SPTAN1: variants seen among roughly 807,000 people sequenced by gnomAD.
SPTAN1 encodes the protein spectrin alpha, non-erythrocytic 1, also known as spectrin alpha chain, non-erythrocytic 1.
SPTAN1 carries 61 observed loss-of-function variants against 331.3 expected under a neutral mutation model. The ratio of observed to expected loss-of-function variants is 0.18; its 90% CI spans 0.15 to 0.23. The LOEUF (loss-of-function observed/expected upper bound fraction) is 0.23, where lower values mean the gene tolerates loss of function less well. Among genes scored for constraint, SPTAN1 ranks in the 10% least tolerant of loss-of-function variants. SPTAN1 has a pLI of 1.00. For missense variants in SPTAN1, 2,043 were observed against 3,147.9 expected, an observed-to-expected ratio of 0.65 and a Z score of 8.40; for synonymous variants, 1,153 against 1,173.9, an observed-to-expected ratio of 0.98 and a Z score of 0.36.
chr9:128,566,087 T>A (rs370248959), intron 1 of SPTAN1, among the ~76,000 whole-genome samples: 5 of 152,150 alleles, frequency 3.3e-5, no homozygotes, highest in African/African-American at 9.7e-5. Context: ...GTTTTTGTTT[T>A]GTTTTGTCAC....
At position 128,625,299 on chromosome 9, in the gene SPTAN1, A is replaced by T; in HGVS notation, c.6069+120A>T. 1 of 1,042,452 alleles carries T rather than the reference A, an allele frequency of 9.6e-7. No homozygotes were observed. Among genetic ancestry groups the T allele is most frequent in the African/African-American group, 1.6e-5 (1 of 63,652 alleles). 64.6% of individuals were successfully genotyped at this position (1,042,452 alleles called of 1,614,324 possible). On this transcript the variant is annotated intron_variant, in intron 47 of 56. Transcript: ENST00000372739. This position sits in a 1 kb window ranked among gnomAD's most constrained non-coding sequence, Gnocchi z 4.1. ...GCCCCTGGGGATCAGCAGGAAAAAG[A>T]TCCTGTCCTGGTCCTCAGGGAGCTT... is the stretch of plus-strand genomic sequence containing the variant.
chr9:128,589,492 G>T (rs1447596060), intron 21 of SPTAN1, among the ~76,000 whole-genome samples: 1 of 150,954 alleles, frequency 6.6e-6, no homozygotes, highest in Non-Finnish European at 1.5e-5. Flanking sequence ...GTTTCACCGT[G>T]GTCTCTATCT....
intron 45 of SPTAN1, among the ~76,000 whole-genome samples, chr9:128,622,983 C>T (rs1858121566): frequency 6.6e-6 from 1 of 151,866 alleles, no homozygotes; most frequent in South Asian, 2.1e-4. Context: ...AAACTCCTGA[C>T]CTCATGATCC....
In SPTAN1 at chr9:128,576,668, G is replaced by A. The variant is rs544617296; in HGVS notation, c.652-155G>A. ...ACATAAGAAATAGAAACTCTTTGGA[G>A]TTGTAGTTCACTTTGTATCATGTTG... On this transcript the variant is annotated intron_variant, in intron 5 of 56. Coordinates refer to ENST00000372739, the MANE Select transcript of SPTAN1 (RefSeq NM_001130438.3). Among the ~76,000 whole-genome samples the A allele has an allele frequency of 1.4e-4, 21 of 152,350 alleles. 1 individual carries two copies. The South Asian group carries it at 4.3e-3, about 32-fold the overall frequency.
At chr9:128,607,775 C>T in intron 32 of SPTAN1, 72 bp downstream of exon 32, 6 of 1,611,064 alleles carry the variant, frequency 3.7e-6, no homozygotes, top group Non-Finnish European at 5.1e-6. Context: ...CATTCCCACC[C>T]TTTGTGGTGA....
intron 51 of SPTAN1, 117 bp downstream of exon 51, chr9:128,628,059 C>A: frequency 1.6e-6 from 2 of 1,254,314 alleles, no homozygotes; most frequent in Non-Finnish European, 2.3e-6. Context: ...GGGCGGGCTG[C>A]ACTTCCCCTC....
Position 128,624,490 on chromosome 9 carries a change from G to A in SPTAN1, c.5992+3G>A. On this transcript the variant is annotated splice_donor_region_variant and intron_variant, in intron 46 of 56. Coordinates refer to ENST00000372739, the MANE Select transcript of SPTAN1 (RefSeq NM_001130438.3). The stretch of plus-strand genomic sequence containing the variant: ...GGACGTGGTGGAGTCCTGGATCGGT[G>A]AGCACTGTCAGCAAGGCCCGGAAGA... The A allele has an allele frequency of 6.2e-7, 1 of 1,612,760 alleles. No homozygotes were observed.
Position 128,580,918 on chromosome 9 carries a change from C to T in SPTAN1, c.1324-4C>T. ...TCCCTGACCATGTCTCCTATGCCCC[C>T]AAGCTGACCGTCCTTTCCGAGGAGA... is the stretch of plus-strand genomic sequence containing the variant. On this transcript the variant is annotated splice_polypyrimidine_tract_variant and splice_region_variant and intron_variant, in intron 10 of 56. Coordinates refer to ENST00000372739, the MANE Select transcript of SPTAN1 (RefSeq NM_001130438.3). 2 of 1,612,664 alleles carry T rather than the reference C, an allele frequency of 1.2e-6. No individual in the cohort carries two copies. Among genetic ancestry groups the T allele is most frequent in the Non-Finnish European group, 1.7e-6 (2 of 1,180,018 alleles).
intron 1 of SPTAN1, among the ~76,000 whole-genome samples, chr9:128,564,001 G>T (rs1345409668): frequency 6.6e-6 from 1 of 152,034 alleles, no homozygotes; most frequent in African/African-American, 2.4e-5. Flanking sequence ...GACCGGACAT[G>T]GTGGCTTACA....
rs971082831 is a variant in SPTAN1, at chr9:128,582,487, T to A, written c.1581T>A (p.Asp527Glu). The A allele has an allele frequency of 7.4e-6, 12 of 1,614,098 alleles. No individual in the cohort carries two copies. In the Admixed American group the frequency reaches 1.5e-4, roughly 20 times the overall value. The part of the protein sequence containing the change: ...SAQEEKITAL[D>E]EFATKLIQNN... Reference sequence around the variant, plus strand: ...CTTATCTTCCTTCCTAGGCATTAGATGAATTTGCAACCAAGCTAATTCAGA... The same window carrying A: ...CTTATCTTCCTTCCTAGGCATTAGAAGAATTTGCAACCAAGCTAATTCAGA... The change falls in exon 13 of 57, where the codon GAT becomes GAA. Residue 527 changes from aspartate (D) to glutamate (E), a missense_variant. Physicochemically the swap from Asp to Glu is conservative, Grantham distance 45 (BLOSUM62 2). Around this residue, in one of 12 missense-constraint regions of SPTAN1, gnomAD observed 1,038 missense variants for 1,531.5 expected, o/e 0.68. Transcript: ENST00000372739.
At chr9:128,570,307 T>TAA (rs1850502785) in intron 3 of SPTAN1, among the ~76,000 whole-genome samples, 3 of 55,110 alleles carry the variant, frequency 5.4e-5, no homozygotes, top group Admixed American at 4.0e-4. Context: ...AGACAGCTTA[T>TAA]ATATATATAT....
At chr9:128,553,893 G>A (rs1848386169) in intron 1 of SPTAN1, among the ~76,000 whole-genome samples, 1 of 152,164 alleles carries the variant, frequency 6.6e-6, no homozygotes, top group Admixed American at 6.6e-5. Context: ...AAGTAAAACA[G>A]AATGTATCAA....
In SPTAN1 at chr9:128,584,261, T is replaced by C. The variant is rs752424279; in HGVS notation, c.2194-21T>C. The C allele has an allele frequency of 1.1e-5, 17 of 1,614,040 alleles. No homozygotes were observed. The Admixed American group carries it at 2.3e-4, about 22-fold the overall frequency. Reference sequence around the variant, plus strand: ...AAACCACACCCAAAGTAAAGTCTGCTCTGTCCTTTTGCATTCCCAGGACCG... The same window carrying C: ...AAACCACACCCAAAGTAAAGTCTGCCCTGTCCTTTTGCATTCCCAGGACCG... On this transcript the variant is annotated intron_variant, in intron 16 of 56. Transcript: ENST00000372739.
chr9:128,580,784 G>A, intron 10 of SPTAN1, 138 bp from the exon 11 acceptor site: 1 of 1,175,436 alleles, frequency 8.5e-7, no homozygotes, highest in Non-Finnish European at 1.2e-6. Context: ...AGTGAATGTT[G>A]TTTTTCCCCT....
intron 28 of SPTAN1, 131 bp downstream of exon 28, chr9:128,603,721 C>T (rs760535542): frequency 1.7e-6 from 2 of 1,160,686 alleles, no homozygotes; most frequent in African/African-American, 1.5e-5. Context: ...TGGGTCCAAG[C>T]ATGTCCTAAG....
At chr9:128,580,109 G>A (rs1386510644) in intron 10 of SPTAN1, among the ~76,000 whole-genome samples, 1 of 151,862 alleles carries the variant, frequency 6.6e-6, no homozygotes, top group Non-Finnish European at 1.5e-5. Flanking sequence ...GGCCAGGAAT[G>A]GGAGACCATC....
intron 18 of SPTAN1, 101 bp downstream of exon 18, chr9:128,584,944 G>T: frequency 7.2e-7 from 1 of 1,380,788 alleles, no homozygotes. Context: ...AGGCTCTGGG[G>T]CTGAATACCA....
At chr9:128,598,552 G>A (rs1229138116) in intron 25 of SPTAN1, 48 bp downstream of exon 25, 1 of 1,409,822 alleles carries the variant, frequency 7.1e-7, no homozygotes, top group Non-Finnish European at 9.9e-7. Flanking sequence ...TAAGGATGCA[G>A]CTTTGTTCCT....
At chr9:128,599,398 G>A (rs999017593) in intron 26 of SPTAN1, 40 of 227,524 alleles carry the variant, frequency 1.8e-4, no homozygotes, top group African/African-American at 8.7e-4. Flanking sequence ...GCTTCCCAGA[G>A]TGCTGGGATT....
Sources: gnomAD v4.1 joint callset for allele counts (sites outside exome capture counted in the v4.1 genomes callset) on GRCh38, gnomAD v4.1.1 for gene constraint, gnomAD v4.1.1 regional missense constraint, Gnocchi (gnomAD v3.1) non-coding constraint, MANE v1.5 for transcripts, NCBI Gene and HGNC (gene_info 2026-07-23, HGNC 2026-07-21) for gene names.